B3GALT1: variants seen among roughly 807,000 people sequenced by gnomAD.
B3GALT1 encodes the protein UDP-Gal:betaGlcNAc beta 1,3-galactosyltransferase, polypeptide 1.
A neutral mutation model predicts 23.2 loss-of-function variants in B3GALT1; 10 were observed. The ratio of observed to expected loss-of-function variants is 0.43; its 90% confidence interval spans 0.27 to 0.73. B3GALT1 has a LOEUF of 0.73. Ranked by LOEUF, B3GALT1 falls within the 30% of genes least tolerant of loss-of-function variation. The pLI is 0.21. For synonymous variants in B3GALT1, 156 were observed against 141.5 expected, an observed-to-expected ratio of 1.10 and a Z score of -0.73; for missense variants, 299 against 405.4, an observed-to-expected ratio of 0.74 and a Z score of 2.25.
chr2:167,484,999 T>C (rs1699605125), intron 1 of B3GALT1, among the ~76,000 whole-genome samples: 1 of 152,182 alleles, frequency 6.6e-6, no homozygotes, highest in Admixed American at 6.5e-5. Flanking sequence ...TCTTAAGATC[T>C]CTGTTTCAGT....
At chr2:167,295,202 G>T (rs1696329813) in intron 1 of B3GALT1, among the ~76,000 whole-genome samples, 1 of 152,046 alleles carries the variant, frequency 6.6e-6, no homozygotes, top group South Asian at 2.1e-4. Context: ...TATGATTTTA[G>T]TCACACATAC....
chr2:167,440,859 T>G (rs1272483082), intron 1 of B3GALT1, among the ~76,000 whole-genome samples: 1 of 152,156 alleles, frequency 6.6e-6, no homozygotes, highest in Non-Finnish European at 1.5e-5. Context: ...AATTTGATCT[T>G]TTTTTCATTT....
chr2:167,681,171 G>A (rs1202249127), intron 3 of B3GALT1, among the ~76,000 whole-genome samples: 3 of 152,184 alleles, frequency 2.0e-5, no homozygotes, highest in Admixed American at 1.3e-4. Context: ...CAGCTTGGGA[G>A]AGGGCCACAT....
At chr2:167,414,758 A>T (rs1698442025) in intron 1 of B3GALT1, among the ~76,000 whole-genome samples, 1 of 152,170 alleles carries the variant, frequency 6.6e-6, no homozygotes, top group Non-Finnish European at 1.5e-5. Flanking sequence ...TGCCACTAAT[A>T]AGTTTGCAGT....
chr2:167,769,423 T>C (rs138359081), intron 3 of B3GALT1, among the ~76,000 whole-genome samples: 77 of 152,366 alleles, frequency 5.1e-4, no homozygotes, highest in African/African-American at 1.5e-3. Flanking sequence ...TTTTGAAGTA[T>C]ATGTACAGTA....
intron 1 of B3GALT1, among the ~76,000 whole-genome samples, chr2:167,380,966 T>G (rs1246124665): frequency 6.6e-6 from 1 of 152,202 alleles, no homozygotes; most frequent in East Asian, 1.9e-4. Context: ...GAGTTGATCT[T>G]TATGTACTAT....
At chr2:167,679,967 T>G (rs1312876264) in intron 3 of B3GALT1, among the ~76,000 whole-genome samples, 2 of 152,256 alleles carry the variant, frequency 1.3e-5, no homozygotes, top group Non-Finnish European at 2.9e-5. Context: ...GAATGAGTTA[T>G]CTGATATTGG....
rs554385144 is a variant in B3GALT1, at chr2:167,584,689, C to G, written c.-409-62220C>G. ...TATAAATCGGGGTTCCTACAACCCCCTCCTTGGTTTGACTAATTTGCTAGA... is the reference window on the plus strand; with the variant it reads ...TATAAATCGGGGTTCCTACAACCCCGTCCTTGGTTTGACTAATTTGCTAGA... On this transcript the variant is annotated intron_variant, in intron 2 of 4. Coordinates refer to ENST00000392690, the MANE Select transcript of B3GALT1 (RefSeq NM_020981.4). Among the ~76,000 whole-genome samples the G allele has an allele frequency of 3.3e-5, 5 of 152,230 alleles. No homozygotes were observed. In the East Asian group the frequency reaches 9.6e-4, roughly 29 times the overall value.
intron 1 of B3GALT1, among the ~76,000 whole-genome samples, chr2:167,369,205 T>C (rs62194917): frequency 0.95 from 143,686 of 151,848 alleles, 68,210 homozygotes; most frequent in Non-Finnish European, 0.99. Context: ...GTGCAGGCCC[T>C]ATCGTGTATG....
chr2:167,835,701 T>C (rs1395979996), intron 4 of B3GALT1, among the ~76,000 whole-genome samples: 1 of 152,188 alleles, frequency 6.6e-6, no homozygotes, highest in East Asian at 1.9e-4. Flanking sequence ...AGCATGCAGC[T>C]GGAGATCTGA....
chr2:167,316,075 TTA>T lies in B3GALT1; in HGVS notation c.-511+22745_-511+22746del, dbSNP rs202197220. ...AAAAATCCTGTTGAATTTCTAGCAG[TTA>T]TATTTTTTTTTACCACTACTGTGAG... On this transcript the variant is annotated intron_variant, in intron 1 of 4. Transcript: ENST00000392690. Among the ~76,000 whole-genome samples the T allele has an allele frequency of 3.2e-3, 479 of 150,948 alleles. 20 individuals carry two copies. The East Asian group carries it at 0.064, about 20-fold the overall frequency.
chr2:167,726,853 G>A (rs143115830), intron 3 of B3GALT1, among the ~76,000 whole-genome samples: 5 of 152,324 alleles, frequency 3.3e-5, no homozygotes, highest in African/African-American at 1.2e-4. Flanking sequence ...TTACATGTAA[G>A]CAACATTTGG....
At chr2:167,393,191 G>A (rs1042655597) in intron 1 of B3GALT1, among the ~76,000 whole-genome samples, 8 of 150,670 alleles carry the variant, frequency 5.3e-5, no homozygotes, top group South Asian at 2.1e-4. Context: ...CCGAGATTGC[G>A]CCACTGCACT....
chr2:167,692,216 A>T (rs941591666), intron 3 of B3GALT1, among the ~76,000 whole-genome samples: 2 of 152,244 alleles, frequency 1.3e-5, no homozygotes, highest in South Asian at 4.1e-4. Flanking sequence ...GAGAGAGTGG[A>T]TATATAACAT....
At chr2:167,692,975 G>A (rs1432955931) in intron 3 of B3GALT1, among the ~76,000 whole-genome samples, 1 of 151,794 alleles carries the variant, frequency 6.6e-6, no homozygotes, top group East Asian at 1.9e-4. Flanking sequence ...GGAAATGAAG[G>A]AAGACTGCAA....
At chr2:167,525,885 T>C (rs1280235942) in intron 2 of B3GALT1, among the ~76,000 whole-genome samples, 5 of 151,910 alleles carry the variant, frequency 3.3e-5, no homozygotes, top group African/African-American at 1.2e-4. Context: ...CCTTCCAAAG[T>C]GTTGAGATTA....
At chr2:167,644,920 C>T (rs572477550) in intron 2 of B3GALT1, among the ~76,000 whole-genome samples, 1 of 152,030 alleles carries the variant, frequency 6.6e-6, no homozygotes, top group South Asian at 2.1e-4. Context: ...TAGCACCATT[C>T]AGACTCAGAG....
chr2:167,780,441 T>C (rs1423219384), intron 3 of B3GALT1, among the ~76,000 whole-genome samples: 1 of 152,234 alleles, frequency 6.6e-6, no homozygotes, highest in African/African-American at 2.4e-5. Context: ...AGAAGACAGC[T>C]ATTATGATGG....
Position 167,296,631 on chromosome 2 carries a change from T to C in B3GALT1, c.-511+3297T>C, listed in dbSNP as rs148000282. 6.1e-3 allele frequency among the ~76,000 whole-genome samples: 923 copies of C among 152,314 alleles called. 8 individuals carry two copies. Among genetic ancestry groups the C allele is most frequent in the South Asian group, 0.025 (120 of 4,830 alleles). On this transcript the variant is annotated intron_variant, in intron 1 of 4. Transcript: ENST00000392690. The stretch of plus-strand genomic sequence containing the variant: ...CATAAAGGAATATTCTCGTTCTCTT[T>C]ACTAATCTATTATTATGATACTGGT...
Sources: gnomAD v4.1 joint callset for allele counts (sites outside exome capture counted in the v4.1 genomes callset) on GRCh38, gnomAD v4.1.1 for gene constraint, MANE v1.5 for transcripts, NCBI Gene and HGNC (gene_info 2026-07-23, HGNC 2026-07-21) for gene names.